The following RAB11FIP3 variants were observed in gnomAD, a reference collection of about 807,000 sequenced individuals.
The protein encoded by RAB11FIP3 is rab11 family-interacting protein 3.
A neutral mutation model predicts 77.8 loss-of-function variants in RAB11FIP3; 17 were observed. The observed-to-expected ratio is 0.22, with a 90% CI of 0.15 to 0.33. RAB11FIP3 has a LOEUF of 0.33. Among genes scored for constraint, RAB11FIP3 ranks in the 10% least tolerant of loss-of-function variants. RAB11FIP3 has a pLI of 1.00. For missense variants in RAB11FIP3, 1,005 were observed against 1,011.2 expected, an observed-to-expected ratio of 0.99 and a Z score of 0.08; for synonymous variants, 437 against 448.2, an observed-to-expected ratio of 0.98 and a Z score of 0.31.
rs1482072798 is a variant in RAB11FIP3, at chr16:426,419, C to T, written c.413C>T (p.Pro138Leu). The change falls in exon 1 of 14, where the codon CCG becomes CTG. Residue 138 changes from proline (P) to leucine (L), a missense_variant. Transcript: ENST00000262305. The surrounding 1 kb of genome is among the most constrained non-coding windows in gnomAD (Gnocchi z 5.0). ...EPEECGPASC[P>L]ESAPFRLQGS... The stretch of plus-strand genomic sequence containing the variant: ...GAGGAGTGTGGCCCCGCGAGCTGCC[C>T]GGAGAGCGCGCCTTTCCGCTTGCAG... 3.8e-6 allele frequency: 6 copies of T among 1,583,626 alleles called. No individual in the cohort carries two copies. Among genetic ancestry groups the T allele is most frequent in the East Asian group, 4.6e-5 (2 of 43,548 alleles).
chr16:499,708 G>T (rs2031382646), intron 6 of RAB11FIP3, among the ~76,000 whole-genome samples: 1 of 145,360 alleles, frequency 6.9e-6, no homozygotes, highest in Non-Finnish European at 1.5e-5. Context: ...TGAGGTAGGA[G>T]AACTGCTTGA....
In RAB11FIP3 at chr16:503,031, C is replaced by G. The variant is rs1185706310; in HGVS notation, c.1329C>G (p.Thr443=). The part of the protein sequence containing the change: ...ARYLHQSGAL[T]MEALEDPSPE... ...ACCTGCACCAGTCAGGGGCCCTGAC[C>G]ATGGAGGCCCTGGAGGACCCTTCCC... The change falls in exon 7 of 14, where the codon ACC becomes ACG. Residue 443 remains threonine, a synonymous_variant. Transcript: ENST00000262305. 7.4e-6 allele frequency: 12 copies of G among 1,612,786 alleles called. No individual in the cohort carries two copies. The highest frequency in any genetic ancestry group is 1.0e-5 in the Non-Finnish European group (12 of 1,179,510).
chr16:442,898 CAA>C (rs2055250849), intron 1 of RAB11FIP3, among the ~76,000 whole-genome samples: 1 of 152,112 alleles, frequency 6.6e-6, no homozygotes, highest in African/African-American at 2.4e-5. Context: ...CGCTTGTTTA[CAA>C]AGTTTTATTT....
chr16:468,940 A>G (rs1309210623), intron 2 of RAB11FIP3, among the ~76,000 whole-genome samples: 2 of 152,306 alleles, frequency 1.3e-5, no homozygotes, highest in African/African-American at 2.4e-5. Context: ...TCAGAACCTG[A>G]GCTGTCATGC....
chr16:496,801 T>C (rs1363108836), intron 5 of RAB11FIP3, 23 bp from the exon 6 acceptor site: 1 of 1,573,890 alleles, frequency 6.4e-7, no homozygotes, highest in Admixed American at 1.7e-5. Flanking sequence ...ACAATTTTCC[T>C]GTTTATTTTG....
chr16:448,179 T>C (rs2055348756), intron 1 of RAB11FIP3, among the ~76,000 whole-genome samples: 2 of 149,432 alleles, frequency 1.3e-5, no homozygotes, highest in Admixed American at 1.4e-4. Context: ...TAGCCGAGCG[T>C]GGTGGCGCGC....
At chr16:446,791 T>C (rs2055324226) in intron 1 of RAB11FIP3, among the ~76,000 whole-genome samples, 1 of 151,914 alleles carries the variant, frequency 6.6e-6, no homozygotes, top group Admixed American at 6.6e-5. Flanking sequence ...CGCCTCCTAG[T>C]CCTGGTTCAC....
chr16:490,509 T>C (rs987782259), intron 5 of RAB11FIP3, among the ~76,000 whole-genome samples: 9 of 152,134 alleles, frequency 5.9e-5, no homozygotes, highest in Admixed American at 1.3e-4. Context: ...CGGGCTAATT[T>C]TGTATTTTTT....
intron 1 of RAB11FIP3, among the ~76,000 whole-genome samples, chr16:427,931 C>T (rs987312009): frequency 6.6e-6 from 1 of 151,750 alleles, no homozygotes; most frequent in African/African-American, 2.4e-5. Context: ...AACCCCGTCT[C>T]CACTAAAAAA....
At chr16:434,806 G>A (rs1219091400) in intron 1 of RAB11FIP3, among the ~76,000 whole-genome samples, 1 of 152,100 alleles carries the variant, frequency 6.6e-6, no homozygotes, top group East Asian at 1.9e-4. Flanking sequence ...GCTCACACCT[G>A]TAATCCCAGC....
chr16:497,540 G>A, intron 6 of RAB11FIP3: 1 of 1,080,340 alleles, frequency 9.3e-7, no homozygotes, highest in Non-Finnish European at 1.2e-6. Flanking sequence ...CGCCTCTCCA[G>A]CTTCCTCTGG....
intron 9 of RAB11FIP3, among the ~76,000 whole-genome samples, chr16:517,424 C>T (rs1170616269): frequency 1.3e-5 from 2 of 152,066 alleles, no homozygotes; most frequent in Non-Finnish European, 2.9e-5. Context: ...AAAAATTAGC[C>T]ACGTGTGGTG....
At chr16:485,053 G>A (rs908604112) in intron 4 of RAB11FIP3, among the ~76,000 whole-genome samples, 1 of 152,106 alleles carries the variant, frequency 6.6e-6, no homozygotes, top group Non-Finnish European at 1.5e-5. Context: ...TGCACCTTTT[G>A]TCAGGGTGGG....
At chr16:508,664 G>A (rs758156673) in intron 8 of RAB11FIP3, among the ~76,000 whole-genome samples, 2 of 151,858 alleles carry the variant, frequency 1.3e-5, no homozygotes, top group East Asian at 2.0e-4. Context: ...ATGAGCCACC[G>A]CGCCTGGCCT....
At chr16:478,940 G>A (rs2055977600) in intron 3 of RAB11FIP3, among the ~76,000 whole-genome samples, 1 of 152,168 alleles carries the variant, frequency 6.6e-6, no homozygotes, top group Non-Finnish European at 1.5e-5. Flanking sequence ...ACTCCAGCCT[G>A]GGTGACAGAG....
Position 519,845 on chromosome 16 carries a change from G to A in RAB11FIP3, c.1814G>A (p.Ser605Asn). 6.2e-7 allele frequency: 1 copy of A among 1,600,900 alleles called. No individual in the cohort carries two copies. The highest frequency in any genetic ancestry group is 1.3e-5 in the African/African-American group (1 of 74,848). The change falls in exon 11 of 14, where the codon AGT becomes AAT. Residue 605 changes from serine to asparagine, a missense_variant. Ser to Asn is a conservative substitution (Grantham distance 46). This residue lies in a region of RAB11FIP3 where 433 missense variants were observed against 436.1 expected (regional missense o/e 0.99). Coordinates refer to ENST00000262305, the MANE Select transcript of RAB11FIP3 (RefSeq NM_014700.4). ...AAGAGGAGAATGGGGGACAGGCTGA[G>A]TCACGAGAGGCACCAGTTCCAGAGG... Reference protein sequence around the residue: ...ENKRRMGDRLSHERHQFQRDK... With the variant: ...ENKRRMGDRLNHERHQFQRDK...
rs988012440 is a variant in RAB11FIP3, at chr16:472,908, A to T, written c.903+1519A>T. Among the ~76,000 whole-genome samples the T allele has an allele frequency of 6.6e-6, 1 of 152,190 alleles. No individual in the cohort carries two copies. The highest frequency in any genetic ancestry group is 2.4e-5 in the African/African-American group (1 of 41,446). On this transcript the variant is annotated intron_variant, in intron 3 of 13. Coordinates refer to ENST00000262305, the MANE Select transcript of RAB11FIP3 (RefSeq NM_014700.4). This position sits in a 1 kb window ranked among gnomAD's most constrained non-coding sequence, Gnocchi z 4.1. ...GGTGTCCCTGGAAGACGGGAGAGAC[A>T]CACAGGGGGAAGACCATAGGAAGAC...
At chr16:474,276 C>A (rs1053882517) in intron 3 of RAB11FIP3, among the ~76,000 whole-genome samples, 1 of 152,136 alleles carries the variant, frequency 6.6e-6, no homozygotes, top group Admixed American at 6.6e-5. Context: ...TCCAGTCAGA[C>A]CCATTTCTCT....
intron 1 of RAB11FIP3, among the ~76,000 whole-genome samples, chr16:459,857 A>T (rs1274308713): frequency 6.6e-6 from 1 of 151,052 alleles, no homozygotes; most frequent in Non-Finnish European, 1.5e-5. Flanking sequence ...TTGCCCACTT[A>T]AAAAAAAATT....
Sources: gnomAD v4.1 joint callset for allele counts (sites outside exome capture counted in the v4.1 genomes callset) on GRCh38, gnomAD v4.1.1 for gene constraint, gnomAD v4.1.1 regional missense constraint, Gnocchi (gnomAD v3.1) non-coding constraint, MANE v1.5 for transcripts, NCBI Gene and HGNC (gene_info 2026-07-23, HGNC 2026-07-21) for gene names.